The following TENM3 variants were observed in gnomAD, a reference collection of about 807,000 sequenced individuals.
The protein encoded by TENM3 is teneurin transmembrane protein 3.
Under a neutral mutation model 255.1 loss-of-function variants are expected in TENM3, and 63 were observed. The observed-to-expected ratio is 0.25, with a 90% confidence interval of 0.20 to 0.30. TENM3 has a LOEUF of 0.30. TENM3 is among the 10% of genes least tolerant of loss of function. The pLI, the probability that TENM3 is intolerant of heterozygous loss-of-function variation, is 1.00. For missense variants in TENM3, 2,929 were observed against 3,461.1 expected, an observed-to-expected ratio of 0.85 and a Z score of 3.86; for synonymous variants, 1,306 against 1,322.3, an observed-to-expected ratio of 0.99 and a Z score of 0.27.
intron 3 of TENM3, among the ~76,000 whole-genome samples, chr4:182,414,249 T>C (rs1770208567): frequency 6.6e-6 from 1 of 152,182 alleles, no homozygotes; most frequent in Non-Finnish European, 1.5e-5. Context: ...GTGAGTGGAC[T>C]TTTTTGAAAT....
intron 3 of TENM3, among the ~76,000 whole-genome samples, chr4:182,519,296 A>T (rs1738317448): frequency 6.6e-6 from 1 of 152,232 alleles, no homozygotes. Flanking sequence ...AAAAACTTTT[A>T]AATGTGGGTA....
chr4:182,104,838 A>C, the TENM3 span, among the ~76,000 whole-genome samples: 18 of 152,080 alleles, frequency 1.2e-4, no homozygotes, highest in African/African-American at 4.3e-4. Context: ...TTGTTGTTGT[A>C]GGTCAGGTTA....
intron 3 of TENM3, among the ~76,000 whole-genome samples, chr4:182,462,934 T>G (rs1043762762): frequency 5.9e-5 from 9 of 151,822 alleles, no homozygotes; most frequent in Admixed American, 2.6e-4. Context: ...TACTGATCAC[T>G]CTGTATAGGC....
intron 3 of TENM3, among the ~76,000 whole-genome samples, chr4:182,553,879 A>C (rs1288451340): frequency 4.6e-5 from 7 of 152,182 alleles, no homozygotes; most frequent in African/African-American, 7.2e-5. Flanking sequence ...TTCTCAAAGC[A>C]CAAGACCCCT....
At chr4:181,961,324 A>G in the TENM3 span, among the ~76,000 whole-genome samples, 1 of 152,214 alleles carries the variant, frequency 6.6e-6, no homozygotes, top group Non-Finnish European at 1.5e-5. Flanking sequence ...CATCATTTAA[A>G]ATGACCTTGG....
intron 3 of TENM3, among the ~76,000 whole-genome samples, chr4:182,467,965 A>G (rs1732752419): frequency 1.3e-5 from 2 of 152,326 alleles, no homozygotes; most frequent in South Asian, 4.1e-4. Context: ...TTCAGGCATA[A>G]GAGAATGTCC....
chr4:181,810,515 G>C, the TENM3 span, among the ~76,000 whole-genome samples: 1 of 151,826 alleles, frequency 6.6e-6, no homozygotes, highest in South Asian at 2.1e-4. Context: ...GCTGTAATAG[G>C]TTTAGAATCA....
At chr4:181,945,650 T>C in the TENM3 span, among the ~76,000 whole-genome samples, 1 of 151,988 alleles carries the variant, frequency 6.6e-6, no homozygotes, top group Non-Finnish European at 1.5e-5. Context: ...GTCAAGCAGA[T>C]CAATGAAACG....
the TENM3 span, among the ~76,000 whole-genome samples, chr4:181,544,752 A>T: frequency 6.6e-6 from 1 of 152,240 alleles, no homozygotes; most frequent in Non-Finnish European, 1.5e-5. Context: ...AATTGACTAT[A>T]CTACAGTGTT....
rs1759454945 is a variant in TENM3 at position 182,269,269 on chromosome 4, G to A, written c.-76+25793G>A. On this transcript the variant is annotated intron_variant, in intron 1 of 27. Coordinates refer to ENST00000511685, the MANE Select transcript of TENM3 (RefSeq NM_001080477.4). ...ATCAGAGCATGGATGAGCGAGGCAT[G>A]TCACAGCCCCAGCCACTAAACCCTG... is the stretch of plus-strand genomic sequence containing the variant. 4.6e-5 allele frequency among the ~76,000 whole-genome samples: 7 copies of A among 152,256 alleles called. No homozygotes were observed. The South Asian group carries it at 1.5e-3, about 32-fold the overall frequency.
chr4:181,944,771 G>A, the TENM3 span, among the ~76,000 whole-genome samples: 5 of 152,130 alleles, frequency 3.3e-5, no homozygotes, highest in South Asian at 2.1e-4. Context: ...ACCCTCCTAA[G>A]TGTTTGCAGA....
the TENM3 span, among the ~76,000 whole-genome samples, chr4:181,724,689 G>A: frequency 6.6e-6 from 1 of 152,046 alleles, no homozygotes; most frequent in African/African-American, 2.4e-5. Flanking sequence ...TAGACAATTG[G>A]TTGACTATTC....
chr4:181,928,281 G>T, the TENM3 span, among the ~76,000 whole-genome samples: 1 of 152,024 alleles, frequency 6.6e-6, no homozygotes, highest in African/African-American at 2.4e-5. Context: ...TAAGAACCTT[G>T]AAAGAAGATT....
At chr4:181,702,924 GA>G in the TENM3 span, among the ~76,000 whole-genome samples, 1 of 151,778 alleles carries the variant, frequency 6.6e-6, no homozygotes, top group Non-Finnish European at 1.5e-5. Flanking sequence ...TGGCCAGTAT[GA>G]AAAAAAAGCT....
At chr4:181,553,298 T>TGTGTGTGTGTGTG in the TENM3 span, among the ~76,000 whole-genome samples, 1 of 102,540 alleles carries the variant, frequency 9.8e-6, no homozygotes, top group African/African-American at 4.0e-5. Context: ...TGTGTGTGTG[T>TGTGTGTGTGTGTG]AGTGTGTGTG....
chr4:181,546,902 T>C, the TENM3 span, among the ~76,000 whole-genome samples: 2 of 152,040 alleles, frequency 1.3e-5, no homozygotes, highest in African/African-American at 2.4e-5. Flanking sequence ...TGTTTGTGTA[T>C]TGGGGAAGGG....
chr4:181,864,470 G>A, the TENM3 span, among the ~76,000 whole-genome samples: 1 of 152,078 alleles, frequency 6.6e-6, no homozygotes, highest in African/African-American at 2.4e-5. Context: ...GAAAAAGAAA[G>A]AGAGTTGTGT....
At chr4:181,888,618 G>GTGTGTGTGTGTGT in the TENM3 span, among the ~76,000 whole-genome samples, 2 of 111,776 alleles carry the variant, frequency 1.8e-5, no homozygotes, top group Admixed American at 1.0e-4. Flanking sequence ...GTGTGTGTGT[G>GTGTGTGTGTGTGT]GAAAGAGAGA....
the TENM3 span, among the ~76,000 whole-genome samples, chr4:181,921,687 C>A: frequency 2.6e-5 from 4 of 152,112 alleles, no homozygotes; most frequent in Non-Finnish European, 4.4e-5. Flanking sequence ...CAAACAGGGA[C>A]AATTTGACTT....
Sources: gnomAD v4.1 joint callset for allele counts (sites outside exome capture counted in the v4.1 genomes callset) on GRCh38, gnomAD v4.1.1 for gene constraint, MANE v1.5 for transcripts, NCBI Gene and HGNC (gene_info 2026-07-23, HGNC 2026-07-21) for gene names.